Variants in GGCX observed in about 807,000 individuals in gnomAD.
GGCX encodes the protein gamma-glutamyl carboxylase.
GGCX carries 63 observed loss-of-function variants against 88.5 expected under a neutral mutation model. The observed-to-expected ratio is 0.71, with a 90% confidence interval of 0.58 to 0.88. The LOEUF is 0.88. Among genes scored for constraint, GGCX ranks in the 40% least tolerant of loss-of-function variants. GGCX has a pLI of 0.00. For missense variants in GGCX, 805 were observed against 932.9 expected, an observed-to-expected ratio of 0.86 and a Z score of 1.79; for synonymous variants, 368 against 365.8, an observed-to-expected ratio of 1.01 and a Z score of -0.07.
intron 1 of GGCX, 150 bp from the exon 2 acceptor site, chr2:85,561,135 C>A: frequency 4.0e-6 from 3 of 741,500 alleles, no homozygotes; most frequent in Non-Finnish European, 7.2e-6. Context: ...AACATCCCTG[C>A]AGTGCAGCCC....
At chr2:85,558,815 G>A in intron 3 of GGCX, 102 bp downstream of exon 3, 1 of 1,091,106 alleles carries the variant, frequency 9.2e-7, no homozygotes, top group Non-Finnish European at 1.4e-6. Flanking sequence ...ATTGATCACA[G>A]CAGAAGTGAA....
intron 1 of GGCX, 108 bp downstream of exon 1, chr2:85,561,278 G>GCCCCCCCCC (rs1692444943): frequency 1.1e-4 from 64 of 568,448 alleles, no homozygotes; most frequent in African/African-American, 3.4e-4. Flanking sequence ...CCCCACAGAG[G>GCCCCCCCCC]ACCCCCCCCC....
chr2:85,550,416 CAAG>C, intron 14 of GGCX, 136 bp downstream of exon 14: 3 of 726,914 alleles, frequency 4.1e-6, no homozygotes, highest in Admixed American at 4.2e-5. Flanking sequence ...TCCAGTAAAT[CAAG>C]AAGAATGGCA....
chr2:85,554,670 A>G (rs75462667), intron 6 of GGCX: 49 of 345,042 alleles, frequency 1.4e-4, no homozygotes, highest in Middle Eastern at 2.0e-3. Flanking sequence ...AGTGTCTTAT[A>G]TTGCTCAGGC....
At chr2:85,553,702 C>T (rs1217739581) in intron 7 of GGCX, 9 of 572,334 alleles carry the variant, frequency 1.6e-5, no homozygotes, top group Admixed American at 1.2e-4. Context: ...TGGGTTCAAG[C>T]GATTCTCTTG....
intron 2 of GGCX, 47 bp from the exon 3 acceptor site, chr2:85,559,122 GCAGTAGAATA>G (rs1692328315): frequency 1.3e-6 from 2 of 1,510,858 alleles, no homozygotes; most frequent in Admixed American, 3.4e-5. Flanking sequence ...AGCTAAGGAA[GCAGTAGAATA>G]CAGTGGAACA....
Position 85,561,488 on chromosome 2 carries a change from G to GA in GGCX, c.-61dup. ...CGCGTCTGAACGGAGGCCGCCAGGA[G>GA]AATTTGCTTCCCTAGGCTCCGCCTC... On this transcript the variant is annotated 5_prime_UTR_variant, in exon 1 of 15. Transcript: ENST00000233838. 1 of 1,294,066 alleles carries GA rather than the reference G, an allele frequency of 7.7e-7. No individual in the cohort carries two copies. Among genetic ancestry groups the GA allele is most frequent in the South Asian group, 1.3e-5 (1 of 78,506 alleles). The allele number at this position is 1,294,066 out of a possible 1,614,324, so 80.2% of individuals were successfully genotyped here.
Position 85,554,128 on chromosome 2 carries a change from G to A in GGCX, c.889+15C>T. The A allele has an allele frequency of 6.2e-7, 1 of 1,604,302 alleles. No individual in the cohort carries two copies. On this transcript the variant is annotated intron_variant, in intron 7 of 14. Transcript: ENST00000233838. The stretch of plus-strand genomic sequence containing the variant: ...AACTGTGGTTCCTGTTTCCTCCCAG[G>A]CTACAGGTACTGACCAATGCTGAAA...
intron 7 of GGCX, 27 bp downstream of exon 7, chr2:85,554,114 CTG>C: frequency 6.3e-7 from 1 of 1,586,084 alleles, no homozygotes; most frequent in East Asian, 2.2e-5. Context: ...ACTGTGGTTC[CTG>C]TTTCCTCCCA....
chr2:85,545,061 A>G lies in GGCX; in HGVS notation c.*4873T>C, dbSNP rs1020382748. Reference sequence around the variant, plus strand: ...CCTACAGGGGGTCTGGCTGGTGTTAACAGAAGGGAGGGCAGAGCTGGTGCG... The same window carrying G: ...CCTACAGGGGGTCTGGCTGGTGTTAGCAGAAGGGAGGGCAGAGCTGGTGCG... On this transcript the variant is annotated 3_prime_UTR_variant, in exon 15 of 15. Coordinates refer to ENST00000233838, the MANE Select transcript of GGCX (RefSeq NM_000821.7). 3 of 152,474 alleles carry G rather than the reference A, an allele frequency of 2.0e-5. No homozygotes were observed. Among genetic ancestry groups the G allele is most frequent in the South Asian group, 2.1e-4 (1 of 4,834 alleles). The allele number at this position is 152,474 out of a possible 1,614,324, so 9.4% of individuals were successfully genotyped here. A position where few individuals can be genotyped will look rare whatever the true frequency, so the allele number is the denominator to read the frequency against.
chr2:85,559,012 A>G lies in GGCX; in HGVS notation c.278T>C (p.Leu93Pro). Residue 93 changes from leucine to proline, a missense_variant, in exon 3 of 15, where the codon CTT becomes CCT. Coordinates refer to ENST00000233838, the MANE Select transcript of GGCX (RefSeq NM_000821.7). Reference protein sequence around the residue: ...RGLSSLDRKYLDGLDVCRFPL... With the variant: ...RGLSSLDRKYPDGLDVCRFPL... ...GAAGCGGCACACATCCAGCCCATCA[A>G]GGTATTTCCGGTCCAGAGAGCTGAG... 6.2e-7 allele frequency: 1 copy of G among 1,613,950 alleles called. No homozygotes were observed. The highest frequency in any genetic ancestry group is 8.5e-7 in the Non-Finnish European group (1 of 1,179,814).
In GGCX at chr2:85,561,394, G is replaced by A; in HGVS notation, c.35C>T (p.Pro12Leu). 3 of 1,570,680 alleles carry A rather than the reference G, an allele frequency of 1.9e-6. No individual in the cohort carries two copies. The highest frequency in any genetic ancestry group is 4.6e-5 in the East Asian group (2 of 43,672). The change falls in exon 1 of 15, where the codon CCC becomes CTC. Residue 12 changes from proline (P) to leucine (L), a missense_variant. Transcript: ENST00000233838. Reference protein sequence around the residue: ...AVSAGSARTSPSSDKVQKDKA... With the variant: ...AVSAGSARTSLSSDKVQKDKA... ...CGGGGTCCTAAGCCTACCTGAGCTG[G>A]GCGAGGTCCGCGCGGACCCGGCAGA...
At chr2:85,557,430 G>C (rs1196536950) in intron 4 of GGCX, among the ~76,000 whole-genome samples, 1 of 152,194 alleles carries the variant, frequency 6.6e-6, no homozygotes, top group Non-Finnish European at 1.5e-5. Context: ...TGAGGCTGCA[G>C]TGAGCTATGA....
In GGCX at chr2:85,552,993, C is replaced by CCT; in HGVS notation, c.1232_1233insAG (p.Lys412GlyfsTer34). The CCT allele has an allele frequency of 1.2e-6, 2 of 1,614,126 alleles. No individual in the cohort carries two copies. Among genetic ancestry groups the CCT allele is most frequent in the South Asian group, 2.2e-5 (2 of 91,084 alleles). ...TGCGGCCATCACGGTAGGTGATCTT[C>CCT]ACGTGCTGGTGGGAGCGGGAGTGCA... On this transcript the variant is annotated frameshift_variant, in exon 9 of 15. Coordinates refer to ENST00000233838, the MANE Select transcript of GGCX (RefSeq NM_000821.7). LOFTEE classifies it high-confidence loss of function.
intron 5 of GGCX, 49 bp downstream of exon 5, chr2:85,556,133 G>T: frequency 8.8e-7 from 1 of 1,137,090 alleles, no homozygotes; most frequent in South Asian, 1.2e-5. Context: ...TGGCCATGCT[G>T]ACCACATGGC....
chr2:85,552,355 G>A, intron 10 of GGCX, 61 bp downstream of exon 10: 1 of 1,468,692 alleles, frequency 6.8e-7, no homozygotes, highest in Non-Finnish European at 9.5e-7. Flanking sequence ...AGCAAGGGCT[G>A]TTCATCTTGG....
intron 10 of GGCX, 114 bp from the exon 11 acceptor site, chr2:85,552,095 C>T: frequency 1.2e-6 from 1 of 845,814 alleles, no homozygotes; most frequent in South Asian, 1.4e-5. Context: ...AAGAAATGGC[C>T]TGTGTCAGCA....
Position 85,547,358 on chromosome 2 carries a change from A to G in GGCX, c.*2576T>C, listed in dbSNP as rs2103938541. ...GATAGCCCATTTTTAGAATGGCTAC[A>G]GTTGCAACCCAACTCTACCCCACTG... On this transcript the variant is annotated 3_prime_UTR_variant, in exon 15 of 15. Coordinates refer to ENST00000233838, the MANE Select transcript of GGCX (RefSeq NM_000821.7). 6.6e-6 allele frequency: 1 copy of G among 152,330 alleles called. No individual in the cohort carries two copies. Among genetic ancestry groups the G allele is most frequent in the South Asian group, 2.1e-4 (1 of 4,832 alleles). The allele number at this position is 152,330 out of a possible 1,614,324, so 9.4% of individuals were successfully genotyped here. A position where few individuals can be genotyped will look rare whatever the true frequency, so the allele number is the denominator to read the frequency against.
chr2:85,561,333 T>A, intron 1 of GGCX, 53 bp downstream of exon 1: 1 of 872,486 alleles, frequency 1.1e-6, no homozygotes, highest in Admixed American at 2.6e-5. Flanking sequence ...CCCGCCCCTC[T>A]GAGACCAGCG....
Sources: allele counts gnomAD v4.1 joint callset (sites outside exome capture counted in the v4.1 genomes callset), GRCh38; gene constraint gnomAD v4.1.1; transcripts MANE v1.5; gene names NCBI Gene and HGNC (gene_info 2026-07-23, HGNC 2026-07-21).